SPTBN2: variants seen among roughly 807,000 people sequenced by gnomAD.
The protein encoded by SPTBN2 is spectrin beta, non-erythrocytic 2.
SPTBN2 carries 107 observed loss-of-function variants against 284.2 expected under a neutral mutation model. The ratio of observed to expected loss-of-function variants is 0.38; its 90% CI spans 0.32 to 0.44. The LOEUF is 0.44. Among genes scored for constraint, SPTBN2 ranks in the 20% least tolerant of loss-of-function variants. The probability of loss-of-function intolerance (pLI) is 1.00; values close to 1 mark genes in which losing one functional copy is unlikely to be tolerated. For missense variants in SPTBN2, 2,569 were observed against 3,287.1 expected (o/e 0.78, Z 5.34); for synonymous variants, 1,289 against 1,354.8 (o/e 0.95, Z 1.07).
At chr11:66,703,989 T>C (rs1254257652) in intron 15 of SPTBN2, among the ~76,000 whole-genome samples, 1 of 148,272 alleles carries the variant, frequency 6.7e-6, no homozygotes. Flanking sequence ...TTTTTTTTTT[T>C]TTTGAGACAG....
At chr11:66,690,852 T>C (rs1940494710) in intron 27 of SPTBN2, among the ~76,000 whole-genome samples, 1 of 152,164 alleles carries the variant, frequency 6.6e-6, no homozygotes, top group South Asian at 2.1e-4. Context: ...AGTTTCGCTC[T>C]TGTTGCCCAG....
chr11:66,713,312 A>AT (rs370281316), intron 8 of SPTBN2, among the ~76,000 whole-genome samples: 1,595 of 150,464 alleles, frequency 0.011, 38 homozygotes, highest in African/African-American at 0.036. Context: ...AAAGATATAT[A>AT]TTTTTTTTGG....
chr11:66,693,034 C>T lies in SPTBN2; in HGVS notation c.4921G>A (p.Ala1641Thr), dbSNP rs143640999. The T allele has an allele frequency of 4.4e-4, 713 of 1,613,230 alleles. 9 individuals are homozygous for T. In the Admixed American group the frequency reaches 9.2e-3, roughly 21 times the overall value. Residue 1641 changes from alanine to threonine, a missense_variant, in exon 25 of 38, where the codon GCG (alanine) becomes ACG (threonine). Around this residue, in one of 6 missense-constraint regions of SPTBN2, gnomAD observed 1,130 missense variants for 1,317.3 expected, o/e 0.86. Transcript: ENST00000533211. This position sits in a 1 kb window ranked among gnomAD's most constrained non-coding sequence, Gnocchi z 5.7. ...GCCGCCAGCTGGTGGATGGTCTGCG[C>T]GTAGTCGGCCAGGGCTTGCTCCAGC... ...QVLEQALADY[A>T]QTIHQLAASS...
In SPTBN2 at chr11:66,692,530, A is replaced by G. The variant is rs898045026; in HGVS notation, c.5190+6T>C. 6.2e-7 allele frequency: 1 copy of G among 1,600,610 alleles called. No individual in the cohort carries two copies. Among genetic ancestry groups the G allele is most frequent in the African/African-American group, 1.3e-5 (1 of 74,664 alleles). On this transcript the variant is annotated splice_donor_region_variant and intron_variant, in intron 26 of 37. Transcript: ENST00000533211. ...GATCTGAGCTGGGTGCCCTCCCTACACTCACAGTCACATGCTCGTAGTCCT... is the reference window on the plus strand; with the variant it reads ...GATCTGAGCTGGGTGCCCTCCCTACGCTCACAGTCACATGCTCGTAGTCCT...
rs183949208 is a variant in SPTBN2, at chr11:66,719,677, G to C, written c.157+1407C>G. Among the ~76,000 whole-genome samples, 723 of 152,314 alleles carry C rather than the reference G, an allele frequency of 4.7e-3. 5 individuals carry two copies. Among genetic ancestry groups the C allele is most frequent in the African/African-American group, 0.016 (677 of 41,564 alleles). On this transcript the variant is annotated intron_variant, in intron 3 of 37. Transcript: ENST00000533211. ...ACAGGCATGGTGAGAGTCCTGGGAG[G>C]CATGTGTCCTATGTACACAGGCATG...
Position 66,707,317 on chromosome 11 carries a change from T to TACGGAAAGGTTCG in SPTBN2, c.1653+198_1653+199insCGAACCTTTCCGT, listed in dbSNP as rs1305128695. On this transcript the variant is annotated intron_variant, in intron 13 of 37. Transcript: ENST00000533211. The surrounding 1 kb of genome is among the most constrained non-coding windows in gnomAD (Gnocchi z 4.9). ...TTGTTTACGGAAAGGTCCGTGGGTTTTGTCATCAGCCTCCTCCATGTGGAC... is the reference window on the plus strand; with the variant it reads ...TTGTTTACGGAAAGGTCCGTGGGTTTACGGAAAGGTTCGTGTCATCAGCCTCCTCCATGTGGAC... 7.9e-5 allele frequency among the ~76,000 whole-genome samples: 12 copies of TACGGAAAGGTTCG among 152,350 alleles called. No homozygotes were observed. Among genetic ancestry groups the TACGGAAAGGTTCG allele is most frequent in the African/African-American group, 2.9e-4 (12 of 41,582 alleles).
intron 5 of SPTBN2, 117 bp from the exon 6 acceptor site, chr11:66,714,524 G>A (rs1478863703): frequency 2.2e-6 from 2 of 915,140 alleles, no homozygotes; most frequent in Admixed American, 3.8e-5. Flanking sequence ...GGGTGGACAG[G>A]CATAGCCTGA....
At chr11:66,734,798 C>T (rs1942840867) in intron 1 of SPTBN2, among the ~76,000 whole-genome samples, 1 of 152,150 alleles carries the variant, frequency 6.6e-6, no homozygotes, top group South Asian at 2.1e-4. Context: ...AAGAAAAGAC[C>T]TTGGGAGAGA....
chr11:66,713,839 G>A (rs902877779), intron 7 of SPTBN2, 93 bp from the exon 8 acceptor site: 17 of 1,160,070 alleles, frequency 1.5e-5, no homozygotes, highest in African/African-American at 7.6e-5. Context: ...CTAAGTCACC[G>A]ACCCAATTTT....
At chr11:66,696,674 T>C in intron 20 of SPTBN2, 134 bp from the exon 21 acceptor site, 1 of 1,221,676 alleles carries the variant, frequency 8.2e-7, no homozygotes, top group South Asian at 1.2e-5. Flanking sequence ...TGTGTTCTTA[T>C]CGACACACTC....
chr11:66,690,320 G>T (rs1565114469), intron 27 of SPTBN2, 37 bp from the exon 28 acceptor site: 2 of 1,555,456 alleles, frequency 1.3e-6, no homozygotes, highest in Non-Finnish European at 1.7e-6. Context: ...CAGAGCGGGG[G>T]ACTCCAAGGA....
Position 66,693,966 on chromosome 11 carries a change from G to A in SPTBN2, c.4504-105C>T, listed in dbSNP as rs185481892. ...CTGGGGCTACCGCCCTGTGTGTGGGGAACAGTCATCTCTGGTTCTGGGAGG... is the reference window on the plus strand; with the variant it reads ...CTGGGGCTACCGCCCTGTGTGTGGGAAACAGTCATCTCTGGTTCTGGGAGG... On this transcript the variant is annotated intron_variant, in intron 22 of 37. Transcript: ENST00000533211. The surrounding 1 kb of genome is among the most constrained non-coding windows in gnomAD (Gnocchi z 5.7). The A allele has an allele frequency of 1.5e-6, 2 of 1,319,514 alleles. No homozygotes were observed. Among genetic ancestry groups the A allele is most frequent in the Admixed American group, 3.9e-5 (2 of 50,876 alleles). The allele number at this position is 1,319,514 out of a possible 1,614,324, so 81.7% of individuals were successfully genotyped here.
At chr11:66,711,053 C>A in intron 8 of SPTBN2, 24 bp from the exon 9 acceptor site, 1 of 1,598,196 alleles carries the variant, frequency 6.3e-7, no homozygotes, top group South Asian at 1.1e-5. Context: ...CCATTTGGGT[C>A]AGGCCTCCCA....
intron 26 of SPTBN2, 36 bp downstream of exon 26, chr11:66,692,500 C>A (rs201607589): frequency 1.1e-5 from 18 of 1,597,978 alleles, no homozygotes; most frequent in Non-Finnish European, 1.4e-5. Flanking sequence ...ACTCTTCCCA[C>A]GGTTGATCTG....
upstream of SPTBN2, among the ~76,000 whole-genome samples, chr11:66,733,281 G>A (rs1445044922): frequency 5.3e-5 from 8 of 152,314 alleles, no homozygotes; most frequent in East Asian, 9.6e-4. Flanking sequence ...GCAAAGATGT[G>A]TGAGAAACCA....
At position 66,713,612 on chromosome 11, in the gene SPTBN2, C is replaced by T. The variant is rs1171812390; in HGVS notation, c.772+19G>A. 1 of 1,605,114 alleles carries T rather than the reference C, an allele frequency of 6.2e-7. No individual in the cohort carries two copies. The highest frequency in any genetic ancestry group is 8.5e-7 in the Non-Finnish European group (1 of 1,172,740). ...TGTCTCTACCCTACCACCTCTTTTT[C>T]ACATAGCTCTGGCCCCACCTTCGGG... is the stretch of plus-strand genomic sequence containing the variant. On this transcript the variant is annotated intron_variant, in intron 8 of 37. Coordinates refer to ENST00000533211, the MANE Select transcript of SPTBN2 (RefSeq NM_006946.4).
rs116101447 is a variant in SPTBN2, at chr11:66,717,982, T to C, written c.158-2001A>G. On this transcript the variant is annotated intron_variant, in intron 3 of 37. Coordinates refer to ENST00000533211, the MANE Select transcript of SPTBN2 (RefSeq NM_006946.4). ...CACACACACTGCCCCCGTGTACACA[T>C]TCAGACACACGCTCAGAGGCCTGGA... is the stretch of plus-strand genomic sequence containing the variant. 6.0e-3 allele frequency among the ~76,000 whole-genome samples: 918 copies of C among 152,246 alleles called. 12 individuals are homozygous for C. The highest frequency in any genetic ancestry group is 0.021 in the African/African-American group (855 of 41,540).
At position 66,689,870 on chromosome 11, in the gene SPTBN2, G is replaced by C; in HGVS notation, c.5884C>G (p.Arg1962Gly). The C allele has an allele frequency of 1.2e-6, 2 of 1,614,078 alleles. No individual in the cohort carries two copies. The highest frequency in any genetic ancestry group is 1.7e-6 in the Non-Finnish European group (2 of 1,180,002). ...IKAEIEARADRFSSCIDMGKE... is the reference protein window; with the variant it reads ...IKAEIEARADGFSSCIDMGKE... ...CCCATGTCGATGCAGGAGGAGAAGC[G>C]GTCTGCCCGGGCCTCTATCTCTGCC... The change falls in exon 29 of 38, where the codon CGC becomes GGC. Residue 1962 changes from arginine to glycine, a missense_variant. Physicochemically the swap from Arg to Gly is moderately radical, Grantham distance 125. Transcript: ENST00000533211.
At chr11:66,735,170 T>C (rs1173043395) in intron 1 of SPTBN2, among the ~76,000 whole-genome samples, 1 of 151,930 alleles carries the variant, frequency 6.6e-6, no homozygotes, top group African/African-American at 2.4e-5. Flanking sequence ...CTGTCTCTAC[T>C]AAAAATACAA....
Sources: allele counts gnomAD v4.1 joint callset (sites outside exome capture counted in the v4.1 genomes callset), GRCh38; gene constraint gnomAD v4.1.1; regional missense constraint gnomAD v4.1.1; non-coding constraint Gnocchi (gnomAD v3.1); transcripts MANE v1.5; gene names NCBI Gene and HGNC (gene_info 2026-07-23, HGNC 2026-07-21).